Variants in PLA2G4C observed in about 807,000 individuals in gnomAD.
The protein encoded by PLA2G4C is phospholipase A2 group IVC.
Under a neutral mutation model 73.8 loss-of-function variants are expected in PLA2G4C, and 64 were observed. The observed-to-expected ratio is 0.87, with a 90% CI of 0.71 to 1.07. PLA2G4C has a LOEUF of 1.07. PLA2G4C is among the 50% of genes least tolerant of loss of function. The probability of loss-of-function intolerance (pLI) is 0.00; values close to 1 mark genes in which losing one functional copy is unlikely to be tolerated. For missense variants in PLA2G4C, 622 were observed against 665.4 expected (o/e 0.93, Z 0.72); for synonymous variants, 254 against 252.1 (o/e 1.01, Z -0.07).
rs574489934 is a variant in PLA2G4C at position 48,060,841 on chromosome 19, C to T, written c.1257+1157G>A. On this transcript the variant is annotated intron_variant, in intron 14 of 16. Transcript: ENST00000599921. ...GGATGGATGTTCCTAATTCATATTACAGAATGTAAACTGATAGAAGTGTGT... is the reference window on the plus strand; with the variant it reads ...GGATGGATGTTCCTAATTCATATTATAGAATGTAAACTGATAGAAGTGTGT... Among the ~76,000 whole-genome samples, 2 of 152,078 alleles carry T rather than the reference C, an allele frequency of 1.3e-5. 1 individual carries two copies. Among genetic ancestry groups the T allele is most frequent in the African/African-American group, 4.8e-5 (2 of 41,462 alleles).
intron 13 of PLA2G4C, among the ~76,000 whole-genome samples, chr19:48,067,218 A>G (rs1301264774): frequency 1.3e-5 from 2 of 148,744 alleles, no homozygotes; most frequent in Non-Finnish European, 1.5e-5. Context: ...GCCAGGCTGG[A>G]GTGCAGTGGG....
chr19:48,081,267 A>G (rs1282332782), intron 10 of PLA2G4C, among the ~76,000 whole-genome samples: 4 of 152,220 alleles, frequency 2.6e-5, no homozygotes. Context: ...GCCATAAAAA[A>G]GAATAAAATA....
At chr19:48,063,284 T>G (rs1013875544) in intron 13 of PLA2G4C, among the ~76,000 whole-genome samples, 10 of 152,034 alleles carry the variant, frequency 6.6e-5, no homozygotes, top group Non-Finnish European at 1.2e-4. Context: ...CCTCGTGATC[T>G]ACCCGCTTCT....
At chr19:48,059,541 T>C (rs972387819) in intron 14 of PLA2G4C, among the ~76,000 whole-genome samples, 9 of 152,052 alleles carry the variant, frequency 5.9e-5, no homozygotes, top group African/African-American at 1.2e-4. Flanking sequence ...CACCCTCCAA[T>C]TGGCTGCCAG....
intron 12 of PLA2G4C, among the ~76,000 whole-genome samples, chr19:48,069,446 T>C (rs886182376): frequency 1.1e-4 from 16 of 152,210 alleles, no homozygotes; most frequent in African/African-American, 3.6e-4. Flanking sequence ...ACCAGGTCAT[T>C]ATCCCAGACG....
chr19:48,083,939 T>C (rs115208094), intron 10 of PLA2G4C, among the ~76,000 whole-genome samples: 4,173 of 152,108 alleles, frequency 0.027, 152 homozygotes, highest in African/African-American at 0.084. Context: ...ACGCATCCTT[T>C]CCATGACCCG....
chr19:48,063,451 G>C (rs374600139), intron 13 of PLA2G4C, among the ~76,000 whole-genome samples: 1 of 152,158 alleles, frequency 6.6e-6, no homozygotes, highest in African/African-American at 2.4e-5. Flanking sequence ...TTTGCCCTGG[G>C]CAGTTCCCAG....
At chr19:48,091,108 G>A (rs2031273090) in intron 7 of PLA2G4C, among the ~76,000 whole-genome samples, 1 of 152,150 alleles carries the variant, frequency 6.6e-6, no homozygotes, top group Non-Finnish European at 1.5e-5. Flanking sequence ...GGATGGAGGA[G>A]CAGAAAATCT....
Position 48,086,650 on chromosome 19 carries a change from G to A in PLA2G4C, c.791-1538C>T, listed in dbSNP as rs551561842. Among the ~76,000 whole-genome samples, 4 of 152,302 alleles carry A rather than the reference G, an allele frequency of 2.6e-5. No individual in the cohort carries two copies. The East Asian group carries it at 7.7e-4, about 29-fold the overall frequency. On this transcript the variant is annotated intron_variant, in intron 9 of 16. Coordinates refer to ENST00000599921, the MANE Select transcript of PLA2G4C (RefSeq NM_003706.3). ...ACATAGGGCAAGTGAATATCCCACT[G>A]CTACTACTGCAGCTGGTGCTCCACC...
chr19:48,064,744 C>T (rs1009183298), intron 13 of PLA2G4C: 3 of 152,056 alleles, frequency 2.0e-5, no homozygotes, highest in Non-Finnish European at 4.4e-5. Flanking sequence ...TGAAACATTC[C>T]AATAGAATGA....
intron 13 of PLA2G4C, among the ~76,000 whole-genome samples, chr19:48,066,958 GACACACACAC>G (rs200703260): frequency 1.4e-5 from 2 of 143,842 alleles, no homozygotes; most frequent in African/African-American, 2.6e-5. Context: ...AACAGAGCAA[GACACACACAC>G]ACACACACAC....
chr19:48,089,431 C>A (rs78892423), intron 8 of PLA2G4C, among the ~76,000 whole-genome samples: 1 of 151,936 alleles, frequency 6.6e-6, no homozygotes, highest in African/African-American at 2.4e-5. Flanking sequence ...AAACAAACAA[C>A]AAAAAAAGTC....
chr19:48,050,974 C>G (rs1446050252), intron 16 of PLA2G4C, among the ~76,000 whole-genome samples: 5 of 152,088 alleles, frequency 3.3e-5, no homozygotes, highest in African/African-American at 1.2e-4. Context: ...GGCTCCTGGC[C>G]AGTACATGAC....
intron 10 of PLA2G4C, among the ~76,000 whole-genome samples, chr19:48,083,444 CTT>C (rs368299643): frequency 0.11 from 3,820 of 34,876 alleles, 169 homozygotes; most frequent in African/African-American, 0.27. Flanking sequence ...TTTTCTTTTT[CTT>C]TTTTCTTTTT....
intron 3 of PLA2G4C, 129 bp downstream of exon 3, chr19:48,105,204 C>T: frequency 1.6e-6 from 1 of 639,962 alleles, no homozygotes; most frequent in Non-Finnish European, 2.8e-6. Context: ...AGTTCATATC[C>T]TTCTATTTCT....
rs1452797467 is a variant in PLA2G4C, at chr19:48,095,505, A to C, written c.668T>G (p.Leu223Arg). 1 of 1,614,070 alleles carries C rather than the reference A, an allele frequency of 6.2e-7. No individual in the cohort carries two copies. Among genetic ancestry groups the C allele is most frequent in the Non-Finnish European group, 8.5e-7 (1 of 1,179,988 alleles). The change falls in exon 7 of 17, where the codon CTG (leucine) becomes CGG (arginine). Residue 223 changes from leucine to arginine, a missense_variant. Leu to Arg is a moderately radical substitution (Grantham distance 102, BLOSUM62 -2). Transcript: ENST00000599921. The stretch of plus-strand genomic sequence containing the variant: ...GTCTCTCTCAGGGTGAGTTCTGACC[A>C]GTCTTCCCTTCTTGAATTTGCTTCC... ...HFGSKFKKGR[L>R]VRTHPERDLT...
In PLA2G4C at chr19:48,099,749, G is replaced by A; in HGVS notation, c.369C>T (p.Thr123=). 6.2e-7 allele frequency: 1 copy of A among 1,614,058 alleles called. No individual in the cohort carries two copies. Among genetic ancestry groups the A allele is most frequent in the East Asian group, 2.2e-5 (1 of 44,882 alleles). Residue 123 remains threonine, a synonymous_variant, in exon 5 of 17, where the codon ACC becomes ACT. Coordinates refer to ENST00000599921, the MANE Select transcript of PLA2G4C (RefSeq NM_003706.3). ...EWDLAKSLQK[T]IQAARSENYS... ...AATTCTCAGACCTCGCTGCTTGGAT[G>A]GTTTTCTGTAGGCTCTTAGCCAAGT...
At chr19:48,102,484 T>C (rs1055831582) in intron 4 of PLA2G4C, among the ~76,000 whole-genome samples, 1 of 151,830 alleles carries the variant, frequency 6.6e-6, no homozygotes, top group Non-Finnish European at 1.5e-5. Context: ...AGAGCAAGAC[T>C]GTGTCTCCAG....
At chr19:48,061,444 A>G (rs184278110) in intron 14 of PLA2G4C, 344 of 154,696 alleles carry the variant, frequency 2.2e-3, no homozygotes, top group South Asian at 5.8e-3. Context: ...CGACATGCAC[A>G]GAAGTTACGC....
Sources: gnomAD v4.1 joint callset for allele counts (sites outside exome capture counted in the v4.1 genomes callset) on GRCh38, gnomAD v4.1.1 for gene constraint, MANE v1.5 for transcripts, NCBI Gene and HGNC (gene_info 2026-07-23, HGNC 2026-07-21) for gene names.